The following PDE8B variants were observed in gnomAD, a reference collection of about 807,000 sequenced individuals.
PDE8B encodes the protein high affinity cAMP-specific and IBMX-insensitive 3',5'-cyclic phosphodiesterase 8B.
A neutral mutation model predicts 101.3 loss-of-function variants in PDE8B; 26 were observed. That is an observed-to-expected ratio of 0.26 (90% CI 0.19 to 0.36). PDE8B has a LOEUF of 0.36. PDE8B is among the 10% of genes least tolerant of loss of function. The probability of loss-of-function intolerance (pLI) is 1.00; values close to 1 mark genes in which losing one functional copy is unlikely to be tolerated. For synonymous variants in PDE8B, 424 were observed against 429.3 expected (o/e 0.99, Z 0.15); for missense variants, 810 against 1,163.1 (o/e 0.70, Z 4.42).
chr5:77,280,621 C>T (rs1277826085), intron 1 of PDE8B, among the ~76,000 whole-genome samples: 3 of 152,130 alleles, frequency 2.0e-5, no homozygotes, highest in African/African-American at 4.8e-5. Flanking sequence ...ACTGGCCAGG[C>T]GCGGTGGCTC....
At chr5:77,118,790 G>A in the PDE8B span, 2 of 160,262 alleles carry the variant, frequency 1.2e-5, no homozygotes, top group African/African-American at 4.8e-5. Flanking sequence ...TAACCGATAA[G>A]GGGCGAAATT....
At chr5:77,414,436 T>C (rs1795123705) in intron 17 of PDE8B, among the ~76,000 whole-genome samples, 1 of 152,198 alleles carries the variant, frequency 6.6e-6, no homozygotes. Context: ...TTTTTATTTT[T>C]TTGAGATGGA....
At chr5:77,229,872 A>G (rs1019049394) in intron 1 of PDE8B, among the ~76,000 whole-genome samples, 2 of 152,156 alleles carry the variant, frequency 1.3e-5, no homozygotes, top group African/African-American at 4.8e-5. Flanking sequence ...TTGACTTTTT[A>G]GCTCTTAGGA....
the PDE8B span, among the ~76,000 whole-genome samples, chr5:77,097,693 CTATATA>C: frequency 4.3e-4 from 13 of 30,206 alleles, no homozygotes; most frequent in African/African-American, 1.1e-3. Context: ...TTTTATATAT[CTATATA>C]TATATATCTA....
rs201834496 is a variant in PDE8B at position 77,363,321 on chromosome 5, C to T, written c.1167+9915C>T. Among the ~76,000 whole-genome samples the T allele has an allele frequency of 3.3e-5, 5 of 152,236 alleles. No individual in the cohort carries two copies. In the East Asian group the frequency reaches 5.8e-4, roughly 18 times the overall value. ...AATAAAGGAAGCACAAGTGTATCTTCGGAGAATTCATAAGAGAAAGGTTTC... is the reference window on the plus strand; with the variant it reads ...AATAAAGGAAGCACAAGTGTATCTTTGGAGAATTCATAAGAGAAAGGTTTC... On this transcript the variant is annotated intron_variant, in intron 10 of 21. Coordinates refer to ENST00000264917, the MANE Select transcript of PDE8B (RefSeq NM_003719.5).
At chr5:77,319,234 A>G (rs1020256814) in intron 2 of PDE8B, among the ~76,000 whole-genome samples, 4 of 152,256 alleles carry the variant, frequency 2.6e-5, no homozygotes, top group African/African-American at 9.6e-5. Context: ...CTGTGAATAA[A>G]TGCATAAAGC....
intron 1 of PDE8B, among the ~76,000 whole-genome samples, chr5:77,218,632 C>T (rs955114480): frequency 1.3e-5 from 2 of 152,188 alleles, no homozygotes; most frequent in African/African-American, 4.8e-5. Context: ...TATCCACTGT[C>T]ACCCCTTCTA....
rs763977111 is a variant in PDE8B at position 77,211,335 on chromosome 5, G to C, written c.339+71G>C. The C allele has an allele frequency of 2.8e-6, 4 of 1,430,132 alleles. No individual in the cohort carries two copies. Among genetic ancestry groups the C allele is most frequent in the Non-Finnish European group, 3.7e-6 (4 of 1,070,840 alleles). 88.6% of individuals were successfully genotyped at this position (1,430,132 alleles called of 1,614,324 possible). Reference sequence around the variant, plus strand: ...TCGGCGGGGCTCGCACGGGTAGGGGGCTCCGGCGGAGTTGGGTGACCGTGA... The same window carrying C: ...TCGGCGGGGCTCGCACGGGTAGGGGCCTCCGGCGGAGTTGGGTGACCGTGA... On this transcript the variant is annotated intron_variant, in intron 1 of 21. Transcript: ENST00000264917. This position sits in a 1 kb window ranked among gnomAD's most constrained non-coding sequence, Gnocchi z 4.1.
chr5:77,355,189 T>G (rs1781855892), intron 10 of PDE8B, among the ~76,000 whole-genome samples: 1 of 152,136 alleles, frequency 6.6e-6, no homozygotes. Flanking sequence ...CCACCTGCTT[T>G]TTTTCTGAGG....
At chr5:77,140,157 A>G in the PDE8B span, 2 of 152,224 alleles carry the variant, frequency 1.3e-5, no homozygotes, top group Non-Finnish European at 2.9e-5. Context: ...TTCTGCCCAC[A>G]GTGAAAATTC....
the PDE8B span, among the ~76,000 whole-genome samples, chr5:77,159,861 G>A: frequency 1.3e-5 from 2 of 152,222 alleles, no homozygotes; most frequent in Non-Finnish European, 2.9e-5. Context: ...ACTCTCAGTT[G>A]ATTCTTGGTT....
intron 10 of PDE8B, among the ~76,000 whole-genome samples, chr5:77,361,067 C>T (rs968646849): frequency 1.3e-5 from 2 of 152,214 alleles, no homozygotes; most frequent in Non-Finnish European, 2.9e-5. Context: ...TACATTCCAT[C>T]CCTTCCCAAG....
intron 9 of PDE8B, among the ~76,000 whole-genome samples, chr5:77,352,071 A>G (rs956071412): frequency 4.0e-4 from 61 of 152,266 alleles, no homozygotes; most frequent in African/African-American, 1.4e-3. Flanking sequence ...CGTCAATACC[A>G]CCTGGTATTT....
intron 10 of PDE8B, among the ~76,000 whole-genome samples, chr5:77,393,892 C>T (rs1790472250): frequency 6.6e-6 from 1 of 152,176 alleles, no homozygotes; most frequent in African/African-American, 2.4e-5. Context: ...GACAACGTAC[C>T]AAGTTAGTCT....
intron 8 of PDE8B, among the ~76,000 whole-genome samples, chr5:77,350,686 C>A (rs1195751538): frequency 6.6e-6 from 1 of 152,190 alleles, no homozygotes; most frequent in Admixed American, 6.5e-5. Flanking sequence ...CCTAGACTCT[C>A]TGAGCCTCAG....
At chr5:77,188,850 G>C in the PDE8B span, among the ~76,000 whole-genome samples, 1 of 152,102 alleles carries the variant, frequency 6.6e-6, no homozygotes, top group Non-Finnish European at 1.5e-5. Context: ...TCTTGCTTCC[G>C]TACCAGTTCA....
chr5:77,265,985 A>G (rs1359174463), intron 1 of PDE8B, among the ~76,000 whole-genome samples: 2 of 152,192 alleles, frequency 1.3e-5, no homozygotes, highest in Non-Finnish European at 2.9e-5. Flanking sequence ...AAAACCTTTC[A>G]GAGAGCTGCC....
chr5:77,145,180 AC>A, the PDE8B span: 1 of 152,250 alleles, frequency 6.6e-6, no homozygotes, highest in East Asian at 1.9e-4. Context: ...GCAGAAACAC[AC>A]AAATGAATCA....
At chr5:77,419,914 G>A (rs981146820) in intron 19 of PDE8B, 27 bp downstream of exon 19, 4 of 1,612,940 alleles carry the variant, frequency 2.5e-6, no homozygotes, top group Non-Finnish European at 3.4e-6. Flanking sequence ...ATGCCATAAG[G>A]CACATCCAAG....
Sources: gnomAD v4.1 joint callset for allele counts (sites outside exome capture counted in the v4.1 genomes callset) on GRCh38, gnomAD v4.1.1 for gene constraint, Gnocchi (gnomAD v3.1) non-coding constraint, MANE v1.5 for transcripts, NCBI Gene and HGNC (gene_info 2026-07-23, HGNC 2026-07-21) for gene names.